The following GUCY1A1 variants were observed in gnomAD, a reference collection of about 807,000 sequenced individuals.
GUCY1A1 encodes guanylate cyclase soluble subunit alpha-1.
Under a neutral mutation model 64.5 loss-of-function variants are expected in GUCY1A1, and 48 were observed. That is an observed-to-expected ratio of 0.74 (90% CI 0.59 to 0.95). The LOEUF is 0.95. GUCY1A1 is among the 40% of genes least tolerant of loss of function. The pLI is 0.00. For missense variants in GUCY1A1, 804 were observed against 825.3 expected (o/e 0.97, Z 0.32); for synonymous variants, 308 against 303.4 (o/e 1.02, Z -0.16).
chr4:155,672,597 G>A (rs73858154), intron 2 of GUCY1A1, among the ~76,000 whole-genome samples: 4,315 of 152,242 alleles, frequency 0.028, 174 homozygotes, highest in African/African-American at 0.096. Flanking sequence ...TAGTTGACAA[G>A]GATAGGTTCC....
intron 9 of GUCY1A1, among the ~76,000 whole-genome samples, chr4:155,729,463 T>C (rs989649206): frequency 1.3e-5 from 2 of 151,740 alleles, no homozygotes; most frequent in Non-Finnish European, 2.9e-5. Flanking sequence ...GTAAGTAGAG[T>C]GGTGATATGT....
chr4:155,713,883 A>G (rs1339805648), intron 7 of GUCY1A1, among the ~76,000 whole-genome samples: 1 of 152,118 alleles, frequency 6.6e-6, no homozygotes, highest in Non-Finnish European at 1.5e-5. Context: ...GGGGTGTAGG[A>G]CCTGTGAATA....
chr4:155,716,091 T>C (rs978426258), intron 7 of GUCY1A1, among the ~76,000 whole-genome samples: 2 of 152,014 alleles, frequency 1.3e-5, no homozygotes, highest in African/African-American at 2.4e-5. Flanking sequence ...AGTGGGAGCA[T>C]GTTTGATGTG....
chr4:155,716,351 T>C (rs1204267249), intron 7 of GUCY1A1, among the ~76,000 whole-genome samples: 1 of 152,100 alleles, frequency 6.6e-6, no homozygotes, highest in Non-Finnish European at 1.5e-5. Context: ...CAATAAACAT[T>C]TGGAGAAGAA....
chr4:155,694,780 A>G (rs1178271446), intron 2 of GUCY1A1, among the ~76,000 whole-genome samples: 1 of 152,244 alleles, frequency 6.6e-6, no homozygotes, highest in Non-Finnish European at 1.5e-5. Context: ...CTTAAAGCTG[A>G]TCATTGATTT....
chr4:155,723,169 T>C (rs1734196171), intron 9 of GUCY1A1, among the ~76,000 whole-genome samples: 1 of 152,162 alleles, frequency 6.6e-6, no homozygotes, highest in African/African-American at 2.4e-5. Flanking sequence ...CCAAGAGTTT[T>C]AGAAGCTCCC....
chr4:155,701,846 T>C (rs1731126711), intron 3 of GUCY1A1, among the ~76,000 whole-genome samples: 1 of 150,122 alleles, frequency 6.7e-6, no homozygotes, highest in Non-Finnish European at 1.5e-5. Flanking sequence ...AAGCAATTAA[T>C]ATATATATAA....
chr4:155,688,099 G>A (rs1729236105), intron 2 of GUCY1A1, among the ~76,000 whole-genome samples: 2 of 151,952 alleles, frequency 1.3e-5, no homozygotes, highest in Non-Finnish European at 2.9e-5. Context: ...GTGGTGGCGG[G>A]CGCCTGTAGT....
At chr4:155,689,304 T>C (rs1729428018) in intron 2 of GUCY1A1, among the ~76,000 whole-genome samples, 1 of 152,090 alleles carries the variant, frequency 6.6e-6, no homozygotes, top group Admixed American at 6.6e-5. Context: ...GTAACTATGA[T>C]GAGAATCATA....
chr4:155,706,968 A>C (rs889839263), intron 4 of GUCY1A1, among the ~76,000 whole-genome samples: 4 of 152,260 alleles, frequency 2.6e-5, no homozygotes, highest in Admixed American at 1.3e-4. Context: ...AAACAAGTGC[A>C]GTAATTGCAT....
intron 3 of GUCY1A1, among the ~76,000 whole-genome samples, chr4:155,702,405 C>G (rs1731205626): frequency 6.6e-6 from 1 of 151,980 alleles, no homozygotes; most frequent in South Asian, 2.1e-4. Context: ...TTTCAAGCAC[C>G]CTGGCTGATT....
rs1387338655 is a variant in GUCY1A1 at position 155,733,697 on chromosome 4, A to ATTAGATCCAT, written c.*3468_*3477dup. On this transcript the variant is annotated 3_prime_UTR_variant, in exon 10 of 10. Transcript: ENST00000506455. ...AAAAAAAAGAAGCAACATGAGTAAA[A>ATTAGATCCAT]TTAGATCCATTGGCTACTGACTCCC... Among the ~76,000 whole-genome samples, 1 of 151,450 alleles carries ATTAGATCCAT rather than the reference A, an allele frequency of 6.6e-6. No individual in the cohort carries two copies. The highest frequency in any genetic ancestry group is 1.5e-5 in the Non-Finnish European group (1 of 67,786).
intron 4 of GUCY1A1, among the ~76,000 whole-genome samples, chr4:155,707,527 C>T (rs1253819240): frequency 6.6e-6 from 1 of 151,716 alleles, no homozygotes; most frequent in East Asian, 1.9e-4. Context: ...ATACCTGTAG[C>T]ATGGGAGAAA....
At position 155,672,219 on chromosome 4, in the gene GUCY1A1, A is replaced by C. The variant is rs149376698; in HGVS notation, c.-113+4800A>C. On this transcript the variant is annotated intron_variant, in intron 2 of 9. Coordinates refer to ENST00000506455, the MANE Select transcript of GUCY1A1 (RefSeq NM_001130682.3). ...AAAGTCAAGGTCATCTTGGATTCTG[A>C]GTCCTTGATACAGAATAGCCATTTT... Among the ~76,000 whole-genome samples the C allele has an allele frequency of 5.1e-3, 778 of 152,248 alleles. 11 individuals carry two copies. Among genetic ancestry groups the C allele is most frequent in the Admixed American group, 0.025 (380 of 15,282 alleles).
intron 9 of GUCY1A1, chr4:155,722,420 G>T (rs1017719786): frequency 1.5e-6 from 2 of 1,354,322 alleles, no homozygotes; most frequent in Non-Finnish European, 1.9e-6. Context: ...ATCCATGACA[G>T]ATATTACATA....
rs1020135222 is a variant in GUCY1A1, at chr4:155,737,012, A to T, written c.*6781A>T. ...AGCTTGTTAGTTATTGTGCCACCTA[A>T]ATATTGTAATAAAAGTGTTTAAATA... On this transcript the variant is annotated 3_prime_UTR_variant, in exon 10 of 10. Transcript: ENST00000506455. 2 of 151,996 alleles carry T rather than the reference A, an allele frequency of 1.3e-5. No individual in the cohort carries two copies. Among genetic ancestry groups the T allele is most frequent in the African/African-American group, 4.8e-5 (2 of 41,406 alleles). The allele number at this position is 151,996 out of a possible 1,614,324, so 9.4% of individuals were successfully genotyped here. A position where few individuals can be genotyped will look rare whatever the true frequency, so the allele number is the denominator to read the frequency against.
intron 3 of GUCY1A1, 40 bp downstream of exon 3, chr4:155,697,162 T>C (rs1203255531): frequency 6.6e-7 from 1 of 1,512,510 alleles, no homozygotes; most frequent in East Asian, 2.3e-5. Flanking sequence ...TGTAATACTT[T>C]GAAATTGTAG....
intron 9 of GUCY1A1, among the ~76,000 whole-genome samples, chr4:155,724,780 C>T (rs1292449136): frequency 3.9e-5 from 6 of 152,010 alleles, no homozygotes; most frequent in African/African-American, 1.4e-4. Context: ...AAAAATCTTT[C>T]GCCCATCCTG....
intron 2 of GUCY1A1, among the ~76,000 whole-genome samples, chr4:155,669,015 G>C (rs561045249): frequency 2.6e-5 from 4 of 152,114 alleles, no homozygotes; most frequent in African/African-American, 9.6e-5. Context: ...AGAACCACGG[G>C]GTAAAAACAC....
Sources: gnomAD v4.1 joint callset for allele counts (sites outside exome capture counted in the v4.1 genomes callset) on GRCh38, gnomAD v4.1.1 for gene constraint, MANE v1.5 for transcripts, NCBI Gene and HGNC (gene_info 2026-07-23, HGNC 2026-07-21) for gene names.